Variants in GALNT13 observed in about 807,000 individuals in gnomAD.
The protein encoded by GALNT13 is polypeptide N-acetylgalactosaminyltransferase 13.
GALNT13 carries 28 observed loss-of-function variants against 64.2 expected under a neutral mutation model. The ratio of observed to expected loss-of-function variants is 0.44; its 90% CI spans 0.32 to 0.60. The LOEUF (loss-of-function observed/expected upper bound fraction) is 0.60. GALNT13 is among the 20% of genes least tolerant of loss of function. The pLI is 0.05. For missense variants in GALNT13, 577 were observed against 669.8 expected (o/e 0.86, Z 1.53); for synonymous variants, 214 against 224.6 (o/e 0.95, Z 0.42).
intron 4 of GALNT13, among the ~76,000 whole-genome samples, chr2:154,233,261 C>T (rs962527845): frequency 1.3e-5 from 2 of 151,994 alleles, no homozygotes; most frequent in Non-Finnish European, 2.9e-5. Context: ...GGAATCTGGA[C>T]TTAAGTAGTT....
the GALNT13 span, among the ~76,000 whole-genome samples, chr2:153,182,344 G>A: frequency 1.3e-5 from 2 of 152,130 alleles, no homozygotes; most frequent in Non-Finnish European, 2.9e-5. Context: ...GTGCCCGGCT[G>A]CAGTTTCATT....
intron 3 of GALNT13, among the ~76,000 whole-genome samples, chr2:154,129,692 C>T (rs1682500124): frequency 6.6e-6 from 1 of 151,910 alleles, no homozygotes; most frequent in South Asian, 2.1e-4. Flanking sequence ...TTATATTTTA[C>T]CTTTTAATTT....
the GALNT13 span, among the ~76,000 whole-genome samples, chr2:153,239,208 T>C: frequency 3.3e-5 from 5 of 152,298 alleles, no homozygotes; most frequent in East Asian, 9.7e-4. Context: ...CTTTACTGAA[T>C]TTATCAGTTC....
chr2:153,316,085 G>A, the GALNT13 span, among the ~76,000 whole-genome samples: 2 of 151,530 alleles, frequency 1.3e-5, no homozygotes, highest in East Asian at 1.9e-4. Context: ...CATATCCCAC[G>A]GAGTAGTGTA....
At chr2:154,142,929 C>T (rs757138700) in intron 4 of GALNT13, among the ~76,000 whole-genome samples, 68 of 151,960 alleles carry the variant, frequency 4.5e-4, no homozygotes, top group Non-Finnish European at 6.3e-4. Flanking sequence ...AAACAGTCTT[C>T]GAAGCAATTT....
chr2:153,433,284 C>T, the GALNT13 span, among the ~76,000 whole-genome samples: 1 of 152,148 alleles, frequency 6.6e-6, no homozygotes, highest in African/African-American at 2.4e-5. Context: ...TTCTGATCTA[C>T]CACATTCTTT....
chr2:153,809,018 C>A, the GALNT13 span, among the ~76,000 whole-genome samples: 4 of 152,332 alleles, frequency 2.6e-5, no homozygotes, highest in Middle Eastern at 3.4e-3. Context: ...TGTGGGCACT[C>A]AGTAATGCTA....
At chr2:153,776,068 C>G in the GALNT13 span, among the ~76,000 whole-genome samples, 1 of 152,022 alleles carries the variant, frequency 6.6e-6, no homozygotes, top group African/African-American at 2.4e-5. Flanking sequence ...AATGCAGATA[C>G]TATAATAAAC....
chr2:153,171,256 T>G, the GALNT13 span, among the ~76,000 whole-genome samples: 2 of 152,256 alleles, frequency 1.3e-5, no homozygotes, highest in Non-Finnish European at 2.9e-5. Context: ...AAGGCTTTCC[T>G]TGCTATAAAA....
At chr2:153,538,356 A>ATTTTTTTTTTTTTTT in the GALNT13 span, among the ~76,000 whole-genome samples, 1 of 72,124 alleles carries the variant, frequency 1.4e-5, no homozygotes, top group African/African-American at 5.3e-5. Flanking sequence ...TTTTTTATTT[A>ATTTTTTTTTTTTTTT]TTTTTATTTT....
At chr2:153,195,862 C>T in the GALNT13 span, among the ~76,000 whole-genome samples, 1 of 152,106 alleles carries the variant, frequency 6.6e-6, no homozygotes, top group African/African-American at 2.4e-5. Flanking sequence ...AGAGGAGACC[C>T]GCAGGGGCAG....
At chr2:153,422,039 G>A in the GALNT13 span, 1 of 152,064 alleles carries the variant, frequency 6.6e-6, no homozygotes, top group Non-Finnish European at 1.5e-5. Context: ...AGTCAAATAG[G>A]CAACACATTG....
At chr2:153,491,091 G>A in the GALNT13 span, among the ~76,000 whole-genome samples, 1 of 151,794 alleles carries the variant, frequency 6.6e-6, no homozygotes, top group East Asian at 1.9e-4. Flanking sequence ...CTATTAATAT[G>A]GGACATACTA....
At chr2:153,808,156 T>C in the GALNT13 span, among the ~76,000 whole-genome samples, 1 of 152,162 alleles carries the variant, frequency 6.6e-6, no homozygotes, top group Non-Finnish European at 1.5e-5. Context: ...TGTTTTTTCT[T>C]CTATAATACT....
chr2:154,225,159 A>AC (rs1491538735), intron 4 of GALNT13, among the ~76,000 whole-genome samples: 2 of 47,964 alleles, frequency 4.2e-5, no homozygotes, highest in African/African-American at 1.5e-4. Context: ...AGATAGATAG[A>AC]TGATAGATAG....
At chr2:154,396,556 A>G (rs1424588492) in intron 10 of GALNT13, among the ~76,000 whole-genome samples, 5 of 152,196 alleles carry the variant, frequency 3.3e-5, no homozygotes, top group Non-Finnish European at 5.9e-5. Flanking sequence ...AAAAGTTAAT[A>G]TATTTTTTCC....
chr2:153,278,237 T>TA, the GALNT13 span, among the ~76,000 whole-genome samples: 3 of 152,090 alleles, frequency 2.0e-5, no homozygotes, highest in African/African-American at 7.2e-5. Context: ...TTAAGTTTCT[T>TA]AAAGTTTCAG....
At chr2:154,004,376 T>G (rs1262734327) in intron 3 of GALNT13, among the ~76,000 whole-genome samples, 1 of 152,084 alleles carries the variant, frequency 6.6e-6, no homozygotes, top group Non-Finnish European at 1.5e-5. Flanking sequence ...CAGCTAATTT[T>G]TGTATTTTTA....
chr2:153,752,596 T>C, the GALNT13 span, among the ~76,000 whole-genome samples: 2 of 152,184 alleles, frequency 1.3e-5, no homozygotes, highest in African/African-American at 4.8e-5. Context: ...AGGTTTCCAC[T>C]GAAAATCTGT....
Sources: allele counts gnomAD v4.1 joint callset (sites outside exome capture counted in the v4.1 genomes callset), GRCh38; gene constraint gnomAD v4.1.1; transcripts MANE v1.5; gene names NCBI Gene and HGNC (gene_info 2026-07-23, HGNC 2026-07-21).